PSME4: variants seen among roughly 807,000 people sequenced by gnomAD.
PSME4 encodes the protein proteasome activator subunit 4.
A neutral mutation model predicts 253.9 loss-of-function variants in PSME4; 89 were observed. The observed-to-expected ratio is 0.35, with a 90% CI of 0.30 to 0.42. PSME4 has a LOEUF of 0.42. Ranked by LOEUF, PSME4 falls within the 10% of genes least tolerant of loss-of-function variation. The pLI is 1.00. For missense variants in PSME4, 2,014 were observed against 2,195.2 expected, an observed-to-expected ratio of 0.92 and a Z score of 1.65; for synonymous variants, 851 against 759.2, an observed-to-expected ratio of 1.12 and a Z score of -1.99.
At chr2:53,939,812 C>G (rs1669301369) in intron 4 of PSME4, 144 bp downstream of exon 4, 1 of 580,232 alleles carries the variant, frequency 1.7e-6, no homozygotes, top group Non-Finnish European at 2.8e-6. Flanking sequence ...AGTTAATGAA[C>G]TGGAAACGGT....
In PSME4 at chr2:53,970,571, C is replaced by G; in HGVS notation, c.214G>C (p.Gly72Arg). 6.5e-7 allele frequency: 1 copy of G among 1,548,674 alleles called. No individual in the cohort carries two copies. The highest frequency in any genetic ancestry group is 8.7e-7 in the Non-Finnish European group (1 of 1,146,906). Residue 72 changes from glycine to arginine, a missense_variant, in exon 1 of 47, where the codon GGC becomes CGC. Gly to Arg is a moderately radical substitution (Grantham distance 125). Around this residue, in one of 4 missense-constraint regions of PSME4, gnomAD observed 615 missense variants for 594.4 expected, o/e 1.03. Transcript: ENST00000404125. ...AVQLQELWPG[G>R]LFWTRKLSTY... is the part of the protein sequence containing the mutation. The stretch of plus-strand genomic sequence containing the variant: ...GAGAGTTTCCTGGTCCAGAAGAGGC[C>G]CCCGGGCCACAGCTCTTGGAGCTGC...
At chr2:53,937,833 A>G (rs1558702702) in intron 4 of PSME4, among the ~76,000 whole-genome samples, 1 of 152,138 alleles carries the variant, frequency 6.6e-6, no homozygotes, top group Non-Finnish European at 1.5e-5. Context: ...CCCAGTCTTT[A>G]CAAAAAATTT....
At chr2:53,959,701 T>A (rs1573378897) in intron 1 of PSME4, among the ~76,000 whole-genome samples, 1 of 152,194 alleles carries the variant, frequency 6.6e-6, no homozygotes, top group East Asian at 1.9e-4. Flanking sequence ...ATATTAAAAA[T>A]GTAGATAAAG....
At chr2:53,912,663 G>A (rs941310801) in intron 20 of PSME4, among the ~76,000 whole-genome samples, 2 of 151,982 alleles carry the variant, frequency 1.3e-5, no homozygotes, top group African/African-American at 2.4e-5. Context: ...ACAGGGTCTC[G>A]CTATGGTGCC....
chr2:53,922,511 C>T lies in PSME4; in HGVS notation c.2046+6G>A. ...TCATGTTTCTTATTCCAAAGATTTA[C>T]AATACCTCAGACAAAAGTTGAAGAT... On this transcript the variant is annotated splice_donor_region_variant and intron_variant, in intron 17 of 46. Coordinates refer to ENST00000404125, the MANE Select transcript of PSME4 (RefSeq NM_014614.3). 1.2e-6 allele frequency: 2 copies of T among 1,611,866 alleles called. No individual in the cohort carries two copies. Among genetic ancestry groups the T allele is most frequent in the Non-Finnish European group, 1.7e-6 (2 of 1,179,024 alleles).
intron 21 of PSME4, 68 bp from the exon 22 acceptor site, chr2:53,908,908 C>A: frequency 1.6e-6 from 2 of 1,223,564 alleles, no homozygotes; most frequent in South Asian, 2.6e-5. Flanking sequence ...AAGTTTATAT[C>A]AACAGGTTAG....
intron 41 of PSME4, 152 bp from the exon 42 acceptor site, chr2:53,875,907 G>T (rs1028755104): frequency 1.6e-6 from 1 of 621,710 alleles, no homozygotes; most frequent in African/African-American, 1.9e-5. Context: ...GAACCCCCAT[G>T]AGCCAATCAC....
chr2:53,955,838 G>A (rs1670210385), intron 1 of PSME4, among the ~76,000 whole-genome samples: 1 of 152,080 alleles, frequency 6.6e-6, no homozygotes, highest in South Asian at 2.1e-4. Flanking sequence ...GGGAAGATTG[G>A]TGGGGCCTGG....
At chr2:53,919,737 T>A (rs1228135260) in intron 19 of PSME4, among the ~76,000 whole-genome samples, 2 of 152,232 alleles carry the variant, frequency 1.3e-5, no homozygotes, top group Non-Finnish European at 2.9e-5. Context: ...ATTTTCTTGC[T>A]ATTATTTTAG....
rs1207820797 is a variant in PSME4 at position 53,866,203 on chromosome 2, T to A, written c.5418A>T (p.Leu1806Phe). 1 of 1,614,046 alleles carries A rather than the reference T, an allele frequency of 6.2e-7. No individual in the cohort carries two copies. The highest frequency in any genetic ancestry group is 1.7e-5 in the Admixed American group (1 of 60,010). The change falls in exon 46 of 47, where the codon TTA becomes TTT. Residue 1806 changes from leucine (L) to phenylalanine (F), a missense_variant. By Grantham distance (22) the Leu-to-Phe change is conservative. Coordinates refer to ENST00000404125, the MANE Select transcript of PSME4 (RefSeq NM_014614.3). Reference sequence around the variant, plus strand: ...CATGGTGAGTCCTTCGGAAATTGGATAAGGTTTTTTTTACAGTCATCTGTA... The same window carrying A: ...CATGGTGAGTCCTTCGGAAATTGGAAAAGGTTTTTTTTACAGTCATCTGTA... ...QPIEMTVKKT[L>F]SNFRRTHHDN...
chr2:53,943,268 G>A (rs1425539960), intron 3 of PSME4, among the ~76,000 whole-genome samples: 1 of 152,106 alleles, frequency 6.6e-6, no homozygotes, highest in African/African-American at 2.4e-5. Context: ...TGTAATGATG[G>A]ACTATTCTGT....
chr2:53,957,342 TAACTCATCATAATGTAGA>T (rs1670282686), intron 1 of PSME4, among the ~76,000 whole-genome samples: 1 of 152,246 alleles, frequency 6.6e-6, no homozygotes, highest in Non-Finnish European at 1.5e-5. Context: ...AACAATTACA[TAACTCATCATAATGTAGA>T]ATCAGTGGGA....
chr2:53,940,859 A>G (rs898524504), intron 3 of PSME4, among the ~76,000 whole-genome samples: 1 of 143,906 alleles, frequency 6.9e-6, no homozygotes, highest in Admixed American at 7.2e-5. Context: ...ATTTATATAT[A>G]TATAATATAT....
intron 41 of PSME4, among the ~76,000 whole-genome samples, chr2:53,884,355 C>T (rs1432825510): frequency 4.6e-5 from 7 of 152,098 alleles, no homozygotes; most frequent in African/African-American, 9.7e-5. Context: ...GGACTACAGG[C>T]GTGCGCCACC....
intron 8 of PSME4, among the ~76,000 whole-genome samples, chr2:53,933,791 C>A (rs1476243641): frequency 4.6e-5 from 7 of 152,194 alleles, no homozygotes; most frequent in African/African-American, 1.7e-4. Flanking sequence ...AATTCTGTAG[C>A]CCCCAAAAAT....
At chr2:53,884,489 G>C (rs1679548536) in intron 41 of PSME4, among the ~76,000 whole-genome samples, 1 of 152,154 alleles carries the variant, frequency 6.6e-6, no homozygotes, top group Non-Finnish European at 1.5e-5. Flanking sequence ...CATTACAGGT[G>C]TGAACCACCA....
At chr2:53,867,902 C>T (rs1678649824) in intron 44 of PSME4, among the ~76,000 whole-genome samples, 2 of 152,056 alleles carry the variant, frequency 1.3e-5, no homozygotes, top group Non-Finnish European at 2.9e-5. Context: ...TGCAGCATGT[C>T]TGTATTCTAA....
chr2:53,887,946 T>C lies in PSME4; in HGVS notation c.4432A>G (p.Arg1478Gly). 1 of 1,611,358 alleles carries C rather than the reference T, an allele frequency of 6.2e-7. No individual in the cohort carries two copies. Among genetic ancestry groups the C allele is most frequent in the Non-Finnish European group, 8.5e-7 (1 of 1,177,832 alleles). ...AGTCTGTGCAATAGTTCAGGCACTCTCCATTCTTGCTGGGCAAGGCCACCT... is the reference window on the plus strand; with the variant it reads ...AGTCTGTGCAATAGTTCAGGCACTCCCCATTCTTGCTGGGCAAGGCCACCT... ...LQGGLAQQEW[R>G]VPELLHRLLK... Residue 1478 changes from arginine to glycine, a missense_variant, in exon 39 of 47, where the codon AGA (arginine) becomes GGA (glycine). Physicochemically the swap from Arg to Gly is moderately radical, Grantham distance 125. Around this residue, in one of 4 missense-constraint regions of PSME4, gnomAD observed 403 missense variants for 556.1 expected, o/e 0.72. Coordinates refer to ENST00000404125, the MANE Select transcript of PSME4 (RefSeq NM_014614.3).
chr2:53,891,087 T>C (rs1204206641), intron 36 of PSME4, among the ~76,000 whole-genome samples: 1 of 152,212 alleles, frequency 6.6e-6, no homozygotes, highest in East Asian at 1.9e-4. Context: ...TCTTGTATAA[T>C]AGTACGCTAG....
Sources: gnomAD v4.1 joint callset for allele counts (sites outside exome capture counted in the v4.1 genomes callset) on GRCh38, gnomAD v4.1.1 for gene constraint, gnomAD v4.1.1 regional missense constraint, MANE v1.5 for transcripts, NCBI Gene and HGNC (gene_info 2026-07-23, HGNC 2026-07-21) for gene names.